PLA2G4D: variants seen among roughly 807,000 people sequenced by gnomAD.
The protein encoded by PLA2G4D is cytosolic phospholipase A2 delta.
PLA2G4D carries 80 observed loss-of-function variants against 94.4 expected under a neutral mutation model. That is an observed-to-expected ratio of 0.85 (90% CI 0.71 to 1.02). The LOEUF is 1.02. Among genes scored for constraint, PLA2G4D ranks in the 50% least tolerant of loss-of-function variants. PLA2G4D has a pLI of 0.00. For missense variants in PLA2G4D, 1,050 were observed against 1,034.7 expected, an observed-to-expected ratio of 1.01 and a Z score of -0.20; for synonymous variants, 438 against 440.9, an observed-to-expected ratio of 0.99 and a Z score of 0.08.
In PLA2G4D at chr15:42,086,194, T is replaced by TGGGGGGGGGGGGGGCCCC; in HGVS notation, c.387+18_387+19insGGGGCCCCCCCCCCCCCC. On this transcript the variant is annotated intron_variant, in intron 4 of 19. Transcript: ENST00000290472. ...GGAAGAAGTGGGGCCCACGGGGACT[T>TGGGGGGGGGGGGGGCCCC]CCCCACCCACCCACCCACCTGGGGA... The TGGGGGGGGGGGGGGCCCC allele has an allele frequency of 1.5e-6, 2 of 1,370,444 alleles. No individual in the cohort carries two copies. The highest frequency in any genetic ancestry group is 1.9e-6 in the Non-Finnish European group (2 of 1,043,084). The allele number at this position is 1,370,444 out of a possible 1,614,324, so 84.9% of individuals were successfully genotyped here.
chr15:42,085,651 C>A lies in PLA2G4D; in HGVS notation c.388-120G>T. ...GGTCTCCAAGGGAGGCACGTTAGTA[C>A]AATTATTTCCAATTTATGGATGAGG... On this transcript the variant is annotated intron_variant, in intron 4 of 19. Transcript: ENST00000290472. 3.2e-6 allele frequency: 3 copies of A among 925,202 alleles called. No homozygotes were observed. In the South Asian group the frequency reaches 4.3e-5, roughly 13 times the overall value. The allele number at this position is 925,202 out of a possible 1,614,324, so 57.3% of individuals were successfully genotyped here.
chr15:42,086,194 T>TTGGGGGGGGGGGGGCC lies in PLA2G4D; in HGVS notation c.387+18_387+19insGGCCCCCCCCCCCCCA. The stretch of plus-strand genomic sequence containing the variant: ...GGAAGAAGTGGGGCCCACGGGGACT[T>TTGGGGGGGGGGGGGCC]CCCCACCCACCCACCCACCTGGGGA... On this transcript the variant is annotated intron_variant, in intron 4 of 19. Transcript: ENST00000290472. 3.7e-5 allele frequency: 51 copies of TTGGGGGGGGGGGGGCC among 1,370,384 alleles called. No individual in the cohort carries two copies. Among genetic ancestry groups the TTGGGGGGGGGGGGGCC allele is most frequent in the Non-Finnish European group, 4.5e-5 (47 of 1,043,034 alleles). The allele number at this position is 1,370,384 out of a possible 1,614,324, so 84.9% of individuals were successfully genotyped here. A position where few individuals can be genotyped will look rare whatever the true frequency, so the allele number is the denominator to read the frequency against.
In PLA2G4D at chr15:42,068,757, C is replaced by G; in HGVS notation, c.2415G>C (p.Lys805Asn). Residue 805 changes from lysine (K) to asparagine (N), a missense_variant, in exon 20 of 20, where the codon AAG (lysine) becomes AAC (asparagine). By Grantham distance (94) the Lys-to-Asn change is moderately conservative. Coordinates refer to ENST00000290472, the MANE Select transcript of PLA2G4D (RefSeq NM_178034.4). The part of the protein sequence containing the change: ...AILQALRTAL[K>N]HRTLEARPPR... ...GAGGCCTCGCCTCTAGAGTCCGGTG[C>G]TTCAGCGCGGTCCTCAGGGCCTGCA... 1 of 1,612,058 alleles carries G rather than the reference C, an allele frequency of 6.2e-7. No homozygotes were observed. The highest frequency in any genetic ancestry group is 8.5e-7 in the Non-Finnish European group (1 of 1,179,098).
chr15:42,079,071 C>T (rs1889981915), intron 13 of PLA2G4D, among the ~76,000 whole-genome samples: 1 of 152,282 alleles, frequency 6.6e-6, no homozygotes, highest in Non-Finnish European at 1.5e-5. Flanking sequence ...CTATTCTTAT[C>T]CCCATTGTAC....
In PLA2G4D at chr15:42,084,194, G is replaced by T. The variant is rs1413090094; in HGVS notation, c.472-415C>A. ...GGGGCGTCGGACAAACCCTCAGAACGTCTCCTGGCTGTCCTCTGTGGCCTA... is the reference window on the plus strand; with the variant it reads ...GGGGCGTCGGACAAACCCTCAGAACTTCTCCTGGCTGTCCTCTGTGGCCTA... On this transcript the variant is annotated intron_variant, in intron 6 of 19. Coordinates refer to ENST00000290472, the MANE Select transcript of PLA2G4D (RefSeq NM_178034.4). This position sits in a 1 kb window ranked among gnomAD's most constrained non-coding sequence, Gnocchi z 4.8. 6.6e-6 allele frequency among the ~76,000 whole-genome samples: 1 copy of T among 152,096 alleles called. No homozygotes were observed. Among genetic ancestry groups the T allele is most frequent in the African/African-American group, 2.4e-5 (1 of 41,414 alleles).
intron 13 of PLA2G4D, 22 bp from the exon 14 acceptor site, chr15:42,072,414 G>A (rs1465011135): frequency 1.9e-6 from 3 of 1,584,454 alleles, no homozygotes; most frequent in African/African-American, 1.3e-5. Flanking sequence ...GGGCATCAGG[G>A]CCTAAGTGAG....
Position 42,071,329 on chromosome 15 carries a change from G to A in PLA2G4D, c.1682-12C>T. On this transcript the variant is annotated splice_polypyrimidine_tract_variant and intron_variant, in intron 16 of 19. Coordinates refer to ENST00000290472, the MANE Select transcript of PLA2G4D (RefSeq NM_178034.4). ...CAGGGGCTCCTTCTCTGAAGCCAGA[G>A]AAACAGAAATTGGTCCCTTCTTCCC... The A allele has an allele frequency of 6.4e-7, 1 of 1,573,808 alleles. No individual in the cohort carries two copies. The highest frequency in any genetic ancestry group is 8.6e-7 in the Non-Finnish European group (1 of 1,163,718).
chr15:42,072,299 T>G lies in PLA2G4D; in HGVS notation c.1411A>C (p.Asn471His). Residue 471 changes from asparagine (N) to histidine (H), a missense_variant, in exon 14 of 20, where the codon AAT becomes CAT. Transcript: ENST00000290472. ...CCCTTGAAGTCCAGTGTCTCCAGAT[T>G]GTTCTCTTTGACATTGAGGCTCAAG... is the stretch of plus-strand genomic sequence containing the variant. ...LYLSLNVKEN[N>H]LETLDFKEWV... is the part of the protein sequence containing the mutation. 1 of 1,613,832 alleles carries G rather than the reference T, an allele frequency of 6.2e-7. No homozygotes were observed. Among genetic ancestry groups the G allele is most frequent in the Non-Finnish European group, 8.5e-7 (1 of 1,179,936 alleles).
chr15:42,072,745 G>A (rs1162704441), intron 13 of PLA2G4D, among the ~76,000 whole-genome samples: 3 of 152,190 alleles, frequency 2.0e-5, no homozygotes, highest in Middle Eastern at 3.2e-3. Context: ...ACACATCCAC[G>A]TATTGCTTTG....
At position 42,068,942 on chromosome 15, in the gene PLA2G4D, C is replaced by T; in HGVS notation, c.2231-1G>A. The T allele has an allele frequency of 6.2e-7, 1 of 1,607,508 alleles. No individual in the cohort carries two copies. The highest frequency in any genetic ancestry group is 1.3e-5 in the African/African-American group (1 of 74,974). On this transcript the variant is annotated splice_acceptor_variant, in intron 19 of 19. Transcript: ENST00000290472. LOFTEE classifies it high-confidence loss of function. ...AGCTCTGCGGGGCTGCGCTGGACAC[C>T]TGCCCAGGGGTAGGAGGGGTGTCAG...
rs200338383 is a variant in PLA2G4D, at chr15:42,070,770, G to A, written c.1990C>T (p.Arg664Cys). 2.5e-4 allele frequency: 406 copies of A among 1,592,230 alleles called. No individual in the cohort carries two copies. The highest frequency in any genetic ancestry group is 1.4e-3 in the East Asian group (62 of 44,114). ...TSSPSMFRPG[R>C]RLDLILSFDY... ...AAGGAGAGGATGAGGTCCAGCCTGC[G>A]GCCTGGCCGGAACATGGAGGGAGAG... is the stretch of plus-strand genomic sequence containing the variant. The change falls in exon 18 of 20, where the codon CGC becomes TGC. Residue 664 changes from arginine to cysteine, a missense_variant. Physicochemically the swap from Arg to Cys is radical, Grantham distance 180. Transcript: ENST00000290472.
At chr15:42,087,722 A>G in intron 1 of PLA2G4D, 22 bp from the exon 2 acceptor site, 2 of 1,612,162 alleles carry the variant, frequency 1.2e-6, no homozygotes, top group Non-Finnish European at 1.7e-6. Flanking sequence ...ATCAAACTCC[A>G]GAGTCCTTCC....
rs1438358624 is a variant in PLA2G4D, at chr15:42,067,372, C to CA, written c.*1342dup. ...GCAACATGGTGAGACCTCATCTCTA[C>CA]AAAAAACCATTTTTTTAATTTAGCC... is the stretch of plus-strand genomic sequence containing the variant. On this transcript the variant is annotated 3_prime_UTR_variant, in exon 20 of 20. Transcript: ENST00000290472. 1 of 151,888 alleles carries CA rather than the reference C, an allele frequency of 6.6e-6. No individual in the cohort carries two copies. The highest frequency in any genetic ancestry group is 2.1e-4 in the South Asian group (1 of 4,822). 9.4% of individuals were successfully genotyped at this position (151,888 alleles called of 1,614,324 possible). A position where few individuals can be genotyped will look rare whatever the true frequency, so the allele number is the denominator to read the frequency against.
intron 13 of PLA2G4D, among the ~76,000 whole-genome samples, chr15:42,076,423 A>G (rs901650157): frequency 1.3e-5 from 2 of 152,206 alleles, no homozygotes; most frequent in African/African-American, 4.8e-5. Flanking sequence ...AACACAAACC[A>G]TAAAGGAGAA....
rs763397571 is a variant in PLA2G4D, at chr15:42,083,194, C to A, written c.672+4G>T. ...TGCAAACGAGGTCTAGAGCCAAGAC[C>A]CACCCTCAGGCGCCCGCTCAGCTCT... On this transcript the variant is annotated splice_donor_region_variant and intron_variant, in intron 8 of 19. Transcript: ENST00000290472. 12 of 1,612,494 alleles carry A rather than the reference C, an allele frequency of 7.4e-6. No individual in the cohort carries two copies. The African/African-American group carries it at 1.3e-4, about 18-fold the overall frequency.
chr15:42,068,469 T>C lies in PLA2G4D; in HGVS notation c.*246A>G. Reference sequence around the variant, plus strand: ...TGGAAGTAATTGTGGTGTGAAAGTCTGTCTGGTTGGACCAGCTGTTCTACA... The same window carrying C: ...TGGAAGTAATTGTGGTGTGAAAGTCCGTCTGGTTGGACCAGCTGTTCTACA... On this transcript the variant is annotated 3_prime_UTR_variant, in exon 20 of 20. Coordinates refer to ENST00000290472, the MANE Select transcript of PLA2G4D (RefSeq NM_178034.4). 5.6e-6 allele frequency: 3 copies of C among 533,342 alleles called. No individual in the cohort carries two copies. The South Asian group carries it at 6.8e-5, about 12-fold the overall frequency. 33.0% of individuals were successfully genotyped at this position (533,342 alleles called of 1,614,324 possible).
intron 13 of PLA2G4D, among the ~76,000 whole-genome samples, chr15:42,077,383 C>T (rs745673953): frequency 4.6e-5 from 7 of 152,178 alleles, no homozygotes; most frequent in Non-Finnish European, 1.0e-4. Context: ...GATTATTCAC[C>T]ATTGATCAAG....
At position 42,087,441 on chromosome 15, in the gene PLA2G4D, C is replaced by A. The variant is rs774903358; in HGVS notation, c.119-5G>T. 4 of 1,613,916 alleles carry A rather than the reference C, an allele frequency of 2.5e-6. No homozygotes were observed. Among genetic ancestry groups the A allele is most frequent in the Non-Finnish European group, 3.4e-6 (4 of 1,179,996 alleles). On this transcript the variant is annotated splice_region_variant and splice_polypyrimidine_tract_variant and intron_variant, in intron 2 of 19. Transcript: ENST00000290472. ...CGTAAGGGTCGGCCTCACTCACTGCCAAGGTTAAGGAAGTCTTCGTGAGGG... is the reference window on the plus strand; with the variant it reads ...CGTAAGGGTCGGCCTCACTCACTGCAAAGGTTAAGGAAGTCTTCGTGAGGG...
At chr15:42,087,536 G>T in intron 2 of PLA2G4D, 92 bp downstream of exon 2, 4 of 1,603,868 alleles carry the variant, frequency 2.5e-6, no homozygotes, top group South Asian at 1.1e-5. Flanking sequence ...CACCGCAGGT[G>T]ACCCAGCCCA....
Sources: allele counts gnomAD v4.1 joint callset (sites outside exome capture counted in the v4.1 genomes callset), GRCh38; gene constraint gnomAD v4.1.1; non-coding constraint Gnocchi (gnomAD v3.1); transcripts MANE v1.5; gene names NCBI Gene and HGNC (gene_info 2026-07-23, HGNC 2026-07-21).